CHRM2: variants seen among roughly 807,000 people sequenced by gnomAD.
CHRM2 encodes the protein muscarinic acetylcholine receptor M2.
A neutral mutation model predicts 25.0 loss-of-function variants in CHRM2; 8 were observed. The observed-to-expected ratio is 0.32, with a 90% CI of 0.19 to 0.58. The LOEUF (loss-of-function observed/expected upper bound fraction) is 0.58, where lower values mean the gene tolerates loss of function less well. CHRM2 is among the 20% of genes least tolerant of loss of function. CHRM2 has a pLI of 0.88. For missense variants in CHRM2, 440 were observed against 567.1 expected, an observed-to-expected ratio of 0.78 and a Z score of 2.28; for synonymous variants, 202 against 205.7, an observed-to-expected ratio of 0.98 and a Z score of 0.15.
At chr7:136,930,225 G>GACC (rs767718198) in intron 2 of CHRM2, among the ~76,000 whole-genome samples, 4 of 152,108 alleles carry the variant, frequency 2.6e-5, no homozygotes, top group Non-Finnish European at 5.9e-5. Flanking sequence ...CTGAGGTCAG[G>GACC]AGTTTGAGAC....
chr7:136,907,140 A>G (rs1797600653), intron 2 of CHRM2, among the ~76,000 whole-genome samples: 2 of 151,900 alleles, frequency 1.3e-5, no homozygotes. Context: ...AGTGATGGGC[A>G]GTGGCTGTAA....
At chr7:137,005,174 A>C (rs566632988) in intron 3 of CHRM2, among the ~76,000 whole-genome samples, 247 of 152,182 alleles carry the variant, frequency 1.6e-3, no homozygotes, top group African/African-American at 5.7e-3. Flanking sequence ...CATTAAGCTC[A>C]TACTTATCAG....
chr7:136,892,362 T>C (rs968672016), intron 2 of CHRM2, among the ~76,000 whole-genome samples: 5 of 152,194 alleles, frequency 3.3e-5, no homozygotes, highest in East Asian at 1.9e-4. Flanking sequence ...TTCAATGAGA[T>C]TGCATTGGTC....
intron 2 of CHRM2, among the ~76,000 whole-genome samples, chr7:136,985,538 C>T (rs1802802800): frequency 6.7e-6 from 1 of 148,988 alleles, no homozygotes. Context: ...ACAAAAACAC[C>T]TCTAATATCT....
chr7:137,001,821 G>A (rs1385407602), intron 3 of CHRM2, among the ~76,000 whole-genome samples: 1 of 152,102 alleles, frequency 6.6e-6, no homozygotes, highest in Non-Finnish European at 1.5e-5. Flanking sequence ...ATGTTTTATA[G>A]TAGTCACCGT....
chr7:136,991,790 G>A (rs1206933137), intron 2 of CHRM2, among the ~76,000 whole-genome samples: 1 of 152,054 alleles, frequency 6.6e-6, no homozygotes, highest in South Asian at 2.1e-4. Flanking sequence ...ATGAAACTTA[G>A]CAAATATACT....
At position 137,019,902 on chromosome 7, in the gene CHRM2, G is replaced by A. The variant is rs1002257225; in HGVS notation, c.*3636G>A. 10 of 151,974 alleles carry A rather than the reference G, an allele frequency of 6.6e-5. No individual in the cohort carries two copies. The highest frequency in any genetic ancestry group is 2.4e-4 in the African/African-American group (10 of 41,522). The allele number at this position is 151,974 out of a possible 1,614,324, so 9.4% of individuals were successfully genotyped here. Reference sequence around the variant, plus strand: ...ATGGCAACAATTACTCAGCAATGCAGTCTGTTTTTATTTTCTCCTACTTAG... The same window carrying A: ...ATGGCAACAATTACTCAGCAATGCAATCTGTTTTTATTTTCTCCTACTTAG... On this transcript the variant is annotated 3_prime_UTR_variant, in exon 4 of 4. Coordinates refer to ENST00000680005, the MANE Select transcript of CHRM2 (RefSeq NM_001006630.2).
At chr7:136,957,554 TACTC>T (rs1405818186) in intron 2 of CHRM2, among the ~76,000 whole-genome samples, 2 of 152,310 alleles carry the variant, frequency 1.3e-5, no homozygotes, top group Non-Finnish European at 1.5e-5. Flanking sequence ...TTTTGACTAT[TACTC>T]AGTGACACTC....
rs1455067791 is a variant in CHRM2, at chr7:137,015,901, G to A, written c.1036G>A (p.Val346Ile). 3.1e-6 allele frequency: 5 copies of A among 1,613,050 alleles called. No individual in the cohort carries two copies. The highest frequency in any genetic ancestry group is 1.3e-5 in the African/African-American group (1 of 74,824). ...TACCCCAACTAATACCACCGTGGAG[G>A]TAGTGGGGTCTTCAGGTCAGAATGG... ...SCTPTNTTVEVVGSSGQNGDE... is the reference protein window; with the variant it reads ...SCTPTNTTVEIVGSSGQNGDE... Residue 346 changes from valine (V) to isoleucine (I), a missense_variant, in exon 4 of 4, where the codon GTA (valine) becomes ATA (isoleucine). Val to Ile is a conservative substitution (Grantham distance 29). Coordinates refer to ENST00000680005, the MANE Select transcript of CHRM2 (RefSeq NM_001006630.2). This position sits in a 1 kb window ranked among gnomAD's most constrained non-coding sequence, Gnocchi z 5.1.
chr7:136,984,488 GA>G (rs1053071164), intron 2 of CHRM2, among the ~76,000 whole-genome samples: 5 of 149,296 alleles, frequency 3.3e-5, no homozygotes, highest in African/African-American at 7.4e-5. Context: ...ACCGGGGTAA[GA>G]AAAAAAAAAA....
intron 2 of CHRM2, among the ~76,000 whole-genome samples, chr7:136,986,655 T>A (rs1219909084): frequency 1.3e-5 from 2 of 152,204 alleles, no homozygotes; most frequent in East Asian, 3.9e-4. Context: ...AATATTTATC[T>A]TGTTAAAAAT....
chr7:136,899,598 T>G (rs145246464), intron 2 of CHRM2: 1 of 152,192 alleles, frequency 6.6e-6, no homozygotes, highest in Admixed American at 6.5e-5. Flanking sequence ...CAATCAAAAT[T>G]AAGGAAGTAA....
At chr7:136,947,557 T>C (rs1195837030) in intron 2 of CHRM2, among the ~76,000 whole-genome samples, 1 of 152,194 alleles carries the variant, frequency 6.6e-6, no homozygotes, top group Non-Finnish European at 1.5e-5. Context: ...ACATTGCTGG[T>C]TTGGCCATCT....
rs546478333 is a variant in CHRM2 at position 136,869,138 on chromosome 7, G to A, written c.-282-123G>A. On this transcript the variant is annotated intron_variant, in intron 1 of 3. Transcript: ENST00000680005. The surrounding 1 kb of genome is among the most constrained non-coding windows in gnomAD (Gnocchi z 4.9). Reference sequence around the variant, plus strand: ...GTGGGGTGCGTGACTCTGCCTGCGCGCGCGCCAGCCCCGCAGCTCTCGCCA... The same window carrying A: ...GTGGGGTGCGTGACTCTGCCTGCGCACGCGCCAGCCCCGCAGCTCTCGCCA... 6.6e-6 allele frequency: 1 copy of A among 152,360 alleles called. No individual in the cohort carries two copies. The highest frequency in any genetic ancestry group is 1.9e-4 in the East Asian group (1 of 5,160). 9.4% of individuals were successfully genotyped at this position (152,360 alleles called of 1,614,324 possible). A position where few individuals can be genotyped will look rare whatever the true frequency, so the allele number is the denominator to read the frequency against.
intron 2 of CHRM2, among the ~76,000 whole-genome samples, chr7:136,970,727 T>C (rs1210880037): frequency 6.6e-6 from 1 of 152,232 alleles, no homozygotes. Context: ...TTATTTACTC[T>C]TCCTAAAACT....
chr7:136,997,041 T>G (rs1803651360), intron 3 of CHRM2, among the ~76,000 whole-genome samples: 1 of 151,982 alleles, frequency 6.6e-6, no homozygotes, highest in Admixed American at 6.6e-5. Flanking sequence ...TTGACAGCTT[T>G]TCTGATTCTC....
chr7:136,932,778 G>A (rs908720071), intron 2 of CHRM2, among the ~76,000 whole-genome samples: 2 of 151,992 alleles, frequency 1.3e-5, no homozygotes, highest in African/African-American at 2.4e-5. Flanking sequence ...ACCGATAATC[G>A]CAGCACTTTG....
chr7:136,918,120 T>C (rs1421768095), intron 2 of CHRM2, among the ~76,000 whole-genome samples: 1 of 152,084 alleles, frequency 6.6e-6, no homozygotes. Flanking sequence ...ATGTGGAATA[T>C]AACGCCTTGT....
chr7:136,981,084 G>T (rs1372305589), intron 2 of CHRM2, among the ~76,000 whole-genome samples: 1 of 152,076 alleles, frequency 6.6e-6, no homozygotes, highest in Non-Finnish European at 1.5e-5. Flanking sequence ...GGCTTTCTTT[G>T]GTTGGTAGGG....
Sources: gnomAD v4.1 joint callset for allele counts (sites outside exome capture counted in the v4.1 genomes callset) on GRCh38, gnomAD v4.1.1 for gene constraint, Gnocchi (gnomAD v3.1) non-coding constraint, MANE v1.5 for transcripts, NCBI Gene and HGNC (gene_info 2026-07-23, HGNC 2026-07-21) for gene names.